Variants in PSAP observed in about 807,000 individuals in gnomAD.
PSAP encodes prosaposin.
A neutral mutation model predicts 66.0 loss-of-function variants in PSAP; 25 were observed. That is an observed-to-expected ratio of 0.38 (90% confidence interval 0.28 to 0.53). The LOEUF is 0.53. Ranked by LOEUF, PSAP falls within the 20% of genes least tolerant of loss-of-function variation. PSAP has a pLI of 0.83. For synonymous variants in PSAP, 273 were observed against 258.9 expected (o/e 1.05, Z -0.52); for missense variants, 649 against 668.8 (o/e 0.97, Z 0.33).
intron 9 of PSAP, 89 bp downstream of exon 9, chr10:71,820,150 CA>C: frequency 8.1e-7 from 1 of 1,227,536 alleles, no homozygotes; most frequent in Non-Finnish European, 1.2e-6. Flanking sequence ...AAGGCTGGGC[CA>C]AGCCCTCTCT....
rs1436261128 is a variant in PSAP, at chr10:71,818,507, CAT to C, written c.1539+108_1539+109del. 1.2e-5 allele frequency: 12 copies of C among 999,348 alleles called. No individual in the cohort carries two copies. The East Asian group carries it at 2.8e-4, about 24-fold the overall frequency. The allele number at this position is 999,348 out of a possible 1,614,324, so 61.9% of individuals were successfully genotyped here. A position where few individuals can be genotyped will look rare whatever the true frequency, so the allele number is the denominator to read the frequency against. On this transcript the variant is annotated intron_variant, in intron 13 of 13. Transcript: ENST00000394936. ...TCTCTGGGCCTCAGCTTTCTGATAACATAAAAGCAGGGTGGAGAGTTGATCAC... is the reference window on the plus strand; with the variant it reads ...TCTCTGGGCCTCAGCTTTCTGATAACAAAAGCAGGGTGGAGAGTTGATCAC...
intron 1 of PSAP, among the ~76,000 whole-genome samples, chr10:71,849,206 A>G (rs1223410856): frequency 3.9e-5 from 6 of 152,254 alleles, no homozygotes; most frequent in Non-Finnish European, 5.9e-5. Flanking sequence ...AAGCTTGAGT[A>G]TAAAATCAAA....
At chr10:71,842,864 G>C (rs551871238) in intron 1 of PSAP, among the ~76,000 whole-genome samples, 1 of 152,236 alleles carries the variant, frequency 6.6e-6, no homozygotes, top group East Asian at 1.9e-4. Context: ...AAAAATAAAA[G>C]ATAATATTCT....
intron 1 of PSAP, among the ~76,000 whole-genome samples, chr10:71,839,768 C>A (rs1004689417): frequency 6.6e-6 from 1 of 152,108 alleles, no homozygotes; most frequent in South Asian, 2.1e-4. Flanking sequence ...GCAGGAGAAT[C>A]GCTTGAACTC....
rs1157113216 is a variant in PSAP at position 71,835,837 on chromosome 10, AAAC to A, written c.41-1335_41-1333del. On this transcript the variant is annotated intron_variant, in intron 1 of 13. Transcript: ENST00000394936. ...TCTGAGACAGAAAAAAAAAAAAAAAAAACAAAACACAATCACCTGAGAAACACA... is the reference window on the plus strand; with the variant it reads ...TCTGAGACAGAAAAAAAAAAAAAAAAAAAACACAATCACCTGAGAAACACA... Among the ~76,000 whole-genome samples the A allele has an allele frequency of 3.7e-4, 51 of 136,624 alleles. 4 individuals carry two copies. Among genetic ancestry groups the A allele is most frequent in the Middle Eastern group, 3.5e-3 (1 of 284 alleles). 89.6% of individuals were successfully genotyped at this position (136,624 alleles called of 152,430 possible). A position where few individuals can be genotyped will look rare whatever the true frequency, so the allele number is the denominator to read the frequency against.
chr10:71,820,497 A>C (rs1842278390), intron 8 of PSAP, among the ~76,000 whole-genome samples, 162 bp from the exon 9 acceptor site: 1 of 151,752 alleles, frequency 6.6e-6, no homozygotes, highest in Non-Finnish European at 1.5e-5. Flanking sequence ...TATCCAAGTT[A>C]ATTCCCTATT....
At chr10:71,838,990 G>A (rs998877139) in intron 1 of PSAP, among the ~76,000 whole-genome samples, 3 of 152,110 alleles carry the variant, frequency 2.0e-5, no homozygotes, top group Non-Finnish European at 2.9e-5. Context: ...ACACTTTCTC[G>A]TGAGTTATTT....
chr10:71,820,487 T>C, intron 8 of PSAP, 152 bp from the exon 9 acceptor site: 7 of 713,274 alleles, frequency 9.8e-6, no homozygotes, highest in Non-Finnish European at 2.6e-6. Context: ...TGGCTTCTAA[T>C]ATCCAAGTTA....
intron 2 of PSAP, among the ~76,000 whole-genome samples, chr10:71,832,787 G>A (rs1564821704): frequency 1.3e-5 from 2 of 152,090 alleles, no homozygotes; most frequent in African/African-American, 4.8e-5. Context: ...GGAGGCCGAG[G>A]CGGGCAGATC....
intron 4 of PSAP, among the ~76,000 whole-genome samples, chr10:71,829,536 C>T (rs779433680): frequency 2.0e-5 from 3 of 152,208 alleles, no homozygotes; most frequent in African/African-American, 4.8e-5. Context: ...CCTCCTTCAC[C>T]TTCCACCATG....
At chr10:71,831,272 C>G (rs1842510060) in intron 3 of PSAP, 21 bp from the exon 4 acceptor site, 2 of 1,612,752 alleles carry the variant, frequency 1.2e-6, no homozygotes, top group African/African-American at 2.7e-5. Flanking sequence ...ACACCAGGGT[C>G]AGAATCACGA....
rs368647935 is a variant in PSAP, at chr10:71,825,734, G to A, written c.777+103C>T. ...GATTTAGCCCAATTCAGCACTCTAA[G>A]GTAAAAAAGGGAAACTAAACCATAT... is the stretch of plus-strand genomic sequence containing the variant. On this transcript the variant is annotated intron_variant, in intron 7 of 13. Transcript: ENST00000394936. 11 of 1,129,822 alleles carry A rather than the reference G, an allele frequency of 9.7e-6. No homozygotes were observed. The East Asian group carries it at 2.2e-4, about 23-fold the overall frequency. 70.0% of individuals were successfully genotyped at this position (1,129,822 alleles called of 1,614,324 possible).
intron 7 of PSAP, 149 bp downstream of exon 7, chr10:71,825,688 A>T (rs548685900): frequency 1.4e-6 from 1 of 738,310 alleles, no homozygotes. Flanking sequence ...GCAAGTGGAG[A>T]GTCTCCTAGC....
intron 1 of PSAP, among the ~76,000 whole-genome samples, chr10:71,841,120 G>A (rs1842726572): frequency 1.3e-5 from 2 of 152,162 alleles, no homozygotes; most frequent in South Asian, 2.1e-4. Flanking sequence ...TGGAGGCAGG[G>A]GTCAGAGGCG....
intron 7 of PSAP, chr10:71,822,279 G>C: frequency 2.0e-6 from 1 of 504,918 alleles, no homozygotes. Flanking sequence ...GCCACCACGA[G>C]GGAGACTCCC....
chr10:71,821,037 T>C (rs191702814), intron 8 of PSAP, among the ~76,000 whole-genome samples: 2 of 152,354 alleles, frequency 1.3e-5, no homozygotes, highest in Non-Finnish European at 2.9e-5. Flanking sequence ...AACTCTTCAC[T>C]TTCTCTGGCC....
At chr10:71,835,116 C>T (rs1247832115) in intron 1 of PSAP, among the ~76,000 whole-genome samples, 1 of 151,750 alleles carries the variant, frequency 6.6e-6, no homozygotes, top group Non-Finnish European at 1.5e-5. Context: ...GTGGCGGGCG[C>T]CTGTAGTTCC....
Position 71,819,855 on chromosome 10 carries a change from T to TC in PSAP, c.1050dup (p.Lys351GlufsTer29). On this transcript the variant is annotated frameshift_variant, in exon 10 of 14. Coordinates refer to ENST00000394936, the MANE Select transcript of PSAP (RefSeq NM_002778.4). LOFTEE classifies it high-confidence loss of function. ...TCCTGGCACTCTTCCGACAGGGACT[T>TC]CGGCAGCTTCGAGCACATTTTGTCA... The TC allele has an allele frequency of 6.2e-7, 1 of 1,614,158 alleles. No individual in the cohort carries two copies. Among genetic ancestry groups the TC allele is most frequent in the African/African-American group, 1.3e-5 (1 of 75,036 alleles).
chr10:71,819,511 G>A lies in PSAP; in HGVS notation c.1304C>T (p.Ala435Val). The change falls in exon 11 of 14, where the codon GCT (alanine) becomes GTT (valine). Residue 435 changes from alanine (A) to valine (V), a missense_variant. Transcript: ENST00000394936. The part of the protein sequence containing the change: ...KNSTKQEILA[A>V]LEKGCSFLPD... ...CAGGAAGCTGCAGCCTTTCTCAAGAGCAGCCAGGATCTCCTGCTTGGTGCT... is the reference window on the plus strand; with the variant it reads ...CAGGAAGCTGCAGCCTTTCTCAAGAACAGCCAGGATCTCCTGCTTGGTGCT... 6.2e-7 allele frequency: 1 copy of A among 1,614,224 alleles called. No individual in the cohort carries two copies. Among genetic ancestry groups the A allele is most frequent in the Non-Finnish European group, 8.5e-7 (1 of 1,180,048 alleles).
Sources: allele counts gnomAD v4.1 joint callset (sites outside exome capture counted in the v4.1 genomes callset), GRCh38; gene constraint gnomAD v4.1.1; transcripts MANE v1.5; gene names NCBI Gene and HGNC (gene_info 2026-07-23, HGNC 2026-07-21).